The following CCBE1 variants were observed in gnomAD, a reference collection of about 807,000 sequenced individuals.
The protein encoded by CCBE1 is collagen and calcium-binding EGF domain-containing protein 1.
Under a neutral mutation model 50.0 loss-of-function variants are expected in CCBE1, and 37 were observed. That is an observed-to-expected ratio of 0.74 (90% CI 0.57 to 0.97). CCBE1 has a LOEUF of 0.97. Ranked by LOEUF, CCBE1 falls within the 50% of genes least tolerant of loss-of-function variation. The pLI, the probability that CCBE1 is intolerant of heterozygous loss-of-function variation, is 0.00. For missense variants in CCBE1, 538 were observed against 523.8 expected (o/e 1.03, Z -0.26); for synonymous variants, 234 against 203.7 (o/e 1.15, Z -1.27).
chr18:59,529,642 C>A (rs1269134849), intron 2 of CCBE1, among the ~76,000 whole-genome samples: 2 of 152,170 alleles, frequency 1.3e-5, no homozygotes, highest in Non-Finnish European at 2.9e-5. Context: ...AGTGGGTGGT[C>A]TCTCCACCCT....
At chr18:59,568,519 ACT>A (rs2052862439) in intron 2 of CCBE1, 1 of 152,058 alleles carries the variant, frequency 6.6e-6, no homozygotes, top group African/African-American at 2.4e-5. Context: ...GTTTCAAGAG[ACT>A]CTCTAATAAC....
At chr18:59,496,537 T>C (rs753961740) in intron 2 of CCBE1, among the ~76,000 whole-genome samples, 1 of 152,240 alleles carries the variant, frequency 6.6e-6, no homozygotes, top group Non-Finnish European at 1.5e-5. Flanking sequence ...AAACAGTGCC[T>C]GGCATGTGGT....
intron 2 of CCBE1, among the ~76,000 whole-genome samples, chr18:59,482,183 C>T (rs532347846): frequency 1.3e-5 from 2 of 152,338 alleles, no homozygotes; most frequent in South Asian, 2.1e-4. Flanking sequence ...GTGATGGTTT[C>T]CACTTTCATC....
intron 2 of CCBE1, among the ~76,000 whole-genome samples, chr18:59,505,889 G>C (rs1031822067): frequency 6.6e-6 from 1 of 152,168 alleles, no homozygotes; most frequent in Non-Finnish European, 1.5e-5. Context: ...ACTAAAATTA[G>C]GGTAATTTAA....
intron 2 of CCBE1, among the ~76,000 whole-genome samples, chr18:59,592,404 C>A (rs1296119410): frequency 6.6e-6 from 1 of 152,050 alleles, no homozygotes; most frequent in Non-Finnish European, 1.5e-5. Context: ...TGGTTCTAAG[C>A]ATTTTGAAAA....
intron 2 of CCBE1, among the ~76,000 whole-genome samples, chr18:59,615,708 A>T (rs1308351407): frequency 6.6e-6 from 1 of 152,118 alleles, no homozygotes; most frequent in Admixed American, 6.5e-5. Flanking sequence ...GTATGAGGTT[A>T]TTTCTTTTGT....
In CCBE1 at chr18:59,686,874, G is replaced by T. The variant is rs149211046; in HGVS notation, c.212+9755C>A. On this transcript the variant is annotated intron_variant, in intron 2 of 10. Coordinates refer to ENST00000439986, the MANE Select transcript of CCBE1 (RefSeq NM_133459.4). ...CCTTCAAACTTTCTCAGAGATAAAA[G>T]CCTGTTGATATTACATTGTAAGTTT... Among the ~76,000 whole-genome samples the T allele has an allele frequency of 4.6e-5, 7 of 152,300 alleles. No individual in the cohort carries two copies. In the East Asian group the frequency reaches 9.6e-4, roughly 21 times the overall value.
intron 10 of CCBE1, among the ~76,000 whole-genome samples, chr18:59,437,769 T>G (rs1910226355): frequency 6.6e-6 from 1 of 152,222 alleles, no homozygotes; most frequent in South Asian, 2.1e-4. Context: ...AGTTATGATT[T>G]AAACCCATAG....
intron 2 of CCBE1, among the ~76,000 whole-genome samples, chr18:59,654,322 T>C (rs1233651818): frequency 2.0e-5 from 3 of 152,106 alleles, no homozygotes; most frequent in Non-Finnish European, 2.9e-5. Flanking sequence ...GTGGCAGCAA[T>C]ATGGTGTGGA....
chr18:59,638,148 AGTTT>A (rs1160883267), intron 2 of CCBE1, among the ~76,000 whole-genome samples: 2 of 152,220 alleles, frequency 1.3e-5, no homozygotes, highest in African/African-American at 2.4e-5. Context: ...AGGAATGCAG[AGTTT>A]GTTTAAAATC....
At chr18:59,693,812 T>C (rs59775048) in intron 2 of CCBE1, among the ~76,000 whole-genome samples, 9,259 of 151,690 alleles carry the variant, frequency 0.061, 922 homozygotes, top group African/African-American at 0.21. Context: ...TCAGTGAAAA[T>C]TGTTTTATTA....
intron 2 of CCBE1, among the ~76,000 whole-genome samples, chr18:59,543,538 G>GCGAGAGGCCC (rs1050812735): frequency 1.3e-4 from 20 of 152,068 alleles, no homozygotes; most frequent in African/African-American, 4.3e-4. Flanking sequence ...GCGAGAGGCC[G>GCGAGAGGCCC]CGAGAGGCCC....
At chr18:59,606,413 G>C (rs1158436810) in intron 2 of CCBE1, among the ~76,000 whole-genome samples, 4 of 152,180 alleles carry the variant, frequency 2.6e-5, no homozygotes, top group Admixed American at 6.5e-5. Flanking sequence ...CCCAACTTTT[G>C]TTTAGAAGTC....
intron 2 of CCBE1, among the ~76,000 whole-genome samples, chr18:59,643,012 A>G (rs1331157030): frequency 6.6e-6 from 1 of 151,956 alleles, no homozygotes; most frequent in African/African-American, 2.4e-5. Context: ...AGAGGGCTAC[A>G]GTACAGAAAA....
intron 2 of CCBE1, among the ~76,000 whole-genome samples, chr18:59,614,795 A>G (rs1186879864): frequency 6.6e-6 from 1 of 152,266 alleles, no homozygotes; most frequent in African/African-American, 2.4e-5. Flanking sequence ...ACTTCTGTTA[A>G]TATGCTATTA....
At chr18:59,531,844 G>T (rs771730395) in intron 2 of CCBE1, among the ~76,000 whole-genome samples, 3 of 152,192 alleles carry the variant, frequency 2.0e-5, no homozygotes, top group Non-Finnish European at 4.4e-5. Context: ...ACAAATGGGG[G>T]TGGGAAAGGT....
chr18:59,548,936 G>C (rs928135478), intron 2 of CCBE1, among the ~76,000 whole-genome samples: 8 of 151,748 alleles, frequency 5.3e-5, no homozygotes, highest in African/African-American at 1.9e-4. Context: ...AACCCCCTAT[G>C]TATTAAAAAT....
At chr18:59,677,499 C>G (rs547819159) in intron 2 of CCBE1, among the ~76,000 whole-genome samples, 15 of 152,228 alleles carry the variant, frequency 9.9e-5, no homozygotes, top group African/African-American at 3.6e-4. Context: ...TCAAAAGATA[C>G]ATTTCCCAAG....
intron 2 of CCBE1, among the ~76,000 whole-genome samples, chr18:59,494,892 GC>G (rs1461800029): frequency 6.6e-6 from 1 of 152,152 alleles, no homozygotes; most frequent in Non-Finnish European, 1.5e-5. Context: ...TGTGGCTCAC[GC>G]CTGTAATCCT....
Sources: allele counts gnomAD v4.1 joint callset (sites outside exome capture counted in the v4.1 genomes callset), GRCh38; gene constraint gnomAD v4.1.1; transcripts MANE v1.5; gene names NCBI Gene and HGNC (gene_info 2026-07-23, HGNC 2026-07-21).